Variants in ZFYVE26 observed in about 807,000 individuals in gnomAD.
ZFYVE26 encodes the protein zinc finger FYVE domain-containing protein 26.
ZFYVE26 carries 181 observed loss-of-function variants against 276.5 expected under a neutral mutation model. The ratio of observed to expected loss-of-function variants is 0.65; its 90% CI spans 0.58 to 0.74. The LOEUF (loss-of-function observed/expected upper bound fraction) is 0.74. Ranked by LOEUF, ZFYVE26 falls within the 30% of genes least tolerant of loss-of-function variation. ZFYVE26 has a pLI of 0.00. For synonymous variants in ZFYVE26, 1,129 were observed against 1,203.1 expected, an observed-to-expected ratio of 0.94 and a Z score of 1.27; for missense variants, 2,821 against 3,097.9, an observed-to-expected ratio of 0.91 and a Z score of 2.12.
intron 13 of ZFYVE26, among the ~76,000 whole-genome samples, chr14:67,732,126 CAAAAAAAAAAAA>C (rs71129854): frequency 4.6e-4 from 36 of 77,524 alleles, no homozygotes; most frequent in Admixed American, 2.1e-3. Flanking sequence ...GACTCTGTCT[CAAAAAAAAAAAA>C]AAAAAAAAAA....
chr14:67,752,506 G>A lies in ZFYVE26; in HGVS notation c.7209C>T (p.Ala2403=). 1 of 1,614,140 alleles carries A rather than the reference G, an allele frequency of 6.2e-7. No individual in the cohort carries two copies. The highest frequency in any genetic ancestry group is 2.2e-5 in the East Asian group (1 of 44,880). ...RVLQDFQLDA[A]MTYCRAARQL... is the part of the protein sequence containing the mutation. ...GGCGGGCAGCTCTGCAGTAGGTCATGGCAGCATCCAGCTGGAAGTCCTAGA... is the reference window on the plus strand; with the variant it reads ...GGCGGGCAGCTCTGCAGTAGGTCATAGCAGCATCCAGCTGGAAGTCCTAGA... Residue 2403 remains alanine, a synonymous_variant, in exon 40 of 42, where the codon GCC becomes GCT. Transcript: ENST00000347230.
intron 32 of ZFYVE26, among the ~76,000 whole-genome samples, chr14:67,765,915 T>G (rs2039043776): frequency 6.6e-6 from 1 of 152,008 alleles, no homozygotes; most frequent in Admixed American, 6.6e-5. Flanking sequence ...AGACTAAAGG[T>G]GGTTCCCTAC....
chr14:67,781,051 G>C (rs1020746015), intron 22 of ZFYVE26, among the ~76,000 whole-genome samples: 1 of 152,084 alleles, frequency 6.6e-6, no homozygotes, highest in African/African-American at 2.4e-5. Flanking sequence ...AGCTCAAAAA[G>C]ACATGTGAAA....
At chr14:67,791,089 A>G (rs1023111160) in intron 14 of ZFYVE26, among the ~76,000 whole-genome samples, 1 of 152,226 alleles carries the variant, frequency 6.6e-6, no homozygotes, top group Non-Finnish European at 1.5e-5. Flanking sequence ...TAACAATAAC[A>G]TTTTGCATCT....
At chr14:67,731,339 C>T (rs1291892073) in intron 13 of ZFYVE26, among the ~76,000 whole-genome samples, 2 of 150,848 alleles carry the variant, frequency 1.3e-5, no homozygotes, top group Non-Finnish European at 3.0e-5. Flanking sequence ...CTCAGCCTCC[C>T]GAGTAGCTGG....
In ZFYVE26 at chr14:67,748,354, T is replaced by G; in HGVS notation, c.*82A>C. 1 of 1,474,278 alleles carries G rather than the reference T, an allele frequency of 6.8e-7. No individual in the cohort carries two copies. 91.3% of individuals were successfully genotyped at this position (1,474,278 alleles called of 1,614,324 possible). On this transcript the variant is annotated 3_prime_UTR_variant, in exon 42 of 42. Coordinates refer to ENST00000347230, the MANE Select transcript of ZFYVE26 (RefSeq NM_015346.4). ...CAGAGCCAGAGAAGTCCCACTCCAC[T>G]GGAGGAAAGAGGTGGAGGGCATCGC... is the stretch of plus-strand genomic sequence containing the variant.
intron 9 of ZFYVE26, among the ~76,000 whole-genome samples, chr14:67,803,082 A>T (rs2040110114): frequency 6.6e-6 from 1 of 152,206 alleles, no homozygotes; most frequent in South Asian, 2.1e-4. Flanking sequence ...TATATGGGGT[A>T]TAGTGATAAG....
chr14:67,791,973 T>A (rs2140235717), intron 14 of ZFYVE26, among the ~76,000 whole-genome samples: 1 of 150,052 alleles, frequency 6.7e-6, no homozygotes, highest in African/African-American at 2.5e-5. Context: ...GGCAGGAGAA[T>A]CGCTTGATCC....
intron 27 of ZFYVE26, among the ~76,000 whole-genome samples, 163 bp from the exon 28 acceptor site, chr14:67,772,373 A>C (rs2039235046): frequency 1.3e-5 from 2 of 152,240 alleles, no homozygotes; most frequent in African/African-American, 4.8e-5. Flanking sequence ...GAGACAACTG[A>C]ACATTGTGTG....
intron 3 of ZFYVE26, among the ~76,000 whole-genome samples, chr14:67,812,870 T>C (rs527622306): frequency 1.7e-4 from 26 of 152,340 alleles, no homozygotes; most frequent in Admixed American, 1.2e-3. Flanking sequence ...GGTTACTATT[T>C]TAGTTCAAGT....
Position 67,798,968 on chromosome 14 carries a change from G to C in ZFYVE26, c.1640-346C>G, listed in dbSNP as rs570517521. 9 of 1,125,666 alleles carry C rather than the reference G, an allele frequency of 8.0e-6. 1 individual carries two copies. In the South Asian group the frequency reaches 9.9e-5, roughly 12 times the overall value. The allele number at this position is 1,125,666 out of a possible 1,614,324, so 69.7% of individuals were successfully genotyped here. The stretch of plus-strand genomic sequence containing the variant: ...ATTTCTCGCGCCGCGGTTTCGGTGG[G>C]AGGGGCGGGGGTGATTTACGGATAC... On this transcript the variant is annotated intron_variant, in intron 10 of 41. Coordinates refer to ENST00000347230, the MANE Select transcript of ZFYVE26 (RefSeq NM_015346.4).
At chr14:67,814,133 G>C (rs537010759) in intron 2 of ZFYVE26, 69 bp from the exon 3 acceptor site, 48 of 1,256,610 alleles carry the variant, frequency 3.8e-5, no homozygotes, top group Non-Finnish European at 5.6e-5. Context: ...TGTCATCCAA[G>C]ACAGATTTCA....
chr14:67,744,885 T>A (rs2038462896), downstream of ZFYVE26, among the ~76,000 whole-genome samples: 1 of 152,240 alleles, frequency 6.6e-6, no homozygotes, highest in African/African-American at 2.4e-5. Context: ...TGTGTGCATG[T>A]CTCTTTATAG....
intron 31 of ZFYVE26, among the ~76,000 whole-genome samples, chr14:67,766,953 C>T (rs1225493885): frequency 6.6e-6 from 1 of 152,154 alleles, no homozygotes; most frequent in Non-Finnish European, 1.5e-5. Flanking sequence ...ATTCACCCAC[C>T]TCAGACTCTC....
rs1284374741 is a variant in ZFYVE26, at chr14:67,805,631, G to T, written c.1018-13C>A. The T allele has an allele frequency of 6.2e-7, 1 of 1,613,086 alleles. No homozygotes were observed. The highest frequency in any genetic ancestry group is 8.5e-7 in the Non-Finnish European group (1 of 1,180,028). ...TTAGTGCTGTTACCTGTAAGTCAAAGAAAGCTGTTATAGGCAGCTATGTGG... is the reference window on the plus strand; with the variant it reads ...TTAGTGCTGTTACCTGTAAGTCAAATAAAGCTGTTATAGGCAGCTATGTGG... On this transcript the variant is annotated splice_polypyrimidine_tract_variant and intron_variant, in intron 6 of 41. Coordinates refer to ENST00000347230, the MANE Select transcript of ZFYVE26 (RefSeq NM_015346.4).
chr14:67,766,386 C>T lies in ZFYVE26; in HGVS notation c.5852G>A (p.Gly1951Asp), dbSNP rs1250933665. Residue 1951 changes from glycine to aspartate, a missense_variant, in exon 32 of 42, where the codon GGT (glycine) becomes GAT (aspartate). By Grantham distance (94) the Gly-to-Asp change is moderately conservative. Transcript: ENST00000347230. ...GCAGCAGTGCTCAATCAGCTGGTGA[C>T]CACAGGCAATGCTGTCCCGGTGCAG... ...LNLHRDSIAC[G>D]HQLIEHCCRL... The T allele has an allele frequency of 1.9e-6, 3 of 1,612,736 alleles. No homozygotes were observed. The highest frequency in any genetic ancestry group is 1.7e-5 in the Admixed American group (1 of 60,024).
At chr14:67,760,550 A>AT (rs1320869004) in intron 35 of ZFYVE26, among the ~76,000 whole-genome samples, 1 of 152,206 alleles carries the variant, frequency 6.6e-6, no homozygotes, top group Non-Finnish European at 1.5e-5. Flanking sequence ...TCTCCAAGTT[A>AT]TTATGGAACA....
chr14:67,754,391 T>A (rs1307295991), intron 37 of ZFYVE26, among the ~76,000 whole-genome samples, 179 bp from the exon 38 acceptor site: 1 of 152,224 alleles, frequency 6.6e-6, no homozygotes, highest in Non-Finnish European at 1.5e-5. Flanking sequence ...GGTGATCTCG[T>A]GTCCTGCACA....
chr14:67,752,667 A>C, intron 39 of ZFYVE26, 141 bp from the exon 40 acceptor site: 3 of 952,090 alleles, frequency 3.2e-6, no homozygotes, highest in Non-Finnish European at 4.9e-6. Context: ...TAAATATACC[A>C]AACAAAAAGC....
Sources: allele counts gnomAD v4.1 joint callset (sites outside exome capture counted in the v4.1 genomes callset), GRCh38; gene constraint gnomAD v4.1.1; transcripts MANE v1.5; gene names NCBI Gene and HGNC (gene_info 2026-07-23, HGNC 2026-07-21).